Variants in SP100 observed in about 807,000 individuals in gnomAD.
SP100 encodes the protein nuclear autoantigen Sp-100.
SP100 carries 84 observed loss-of-function variants against 130.0 expected under a neutral mutation model. That is an observed-to-expected ratio of 0.65 (90% CI 0.54 to 0.77). The LOEUF is 0.77. Ranked by LOEUF, SP100 falls within the 30% of genes least tolerant of loss-of-function variation. The probability of loss-of-function intolerance (pLI) is 0.00; values close to 1 mark genes in which losing one functional copy is unlikely to be tolerated. For missense variants in SP100, 978 were observed against 1,052.2 expected, an observed-to-expected ratio of 0.93 and a Z score of 0.97; for synonymous variants, 331 against 351.7, an observed-to-expected ratio of 0.94 and a Z score of 0.66.
chr2:230,485,117 T>A (rs1196045640), intron 17 of SP100, among the ~76,000 whole-genome samples: 1 of 150,566 alleles, frequency 6.6e-6, no homozygotes, highest in Non-Finnish European at 1.5e-5. Context: ...TTATTTTATT[T>A]TATTATTTAT....
chr2:230,539,717 C>T (rs886105033), intron 25 of SP100, among the ~76,000 whole-genome samples: 11 of 152,172 alleles, frequency 7.2e-5, no homozygotes, highest in African/African-American at 1.9e-4. Flanking sequence ...GAGTACACCA[C>T]CTGCTGTGGG....
rs947328476 is a variant in SP100 at position 230,506,159 on chromosome 2, A to G, written c.1871-144A>G. 9.5e-6 allele frequency: 7 copies of G among 736,088 alleles called. 1 individual carries two copies. Among genetic ancestry groups the G allele is most frequent in the Non-Finnish European group, 1.6e-5 (7 of 440,078 alleles). The allele number at this position is 736,088 out of a possible 1,614,324, so 45.6% of individuals were successfully genotyped here. The stretch of plus-strand genomic sequence containing the variant: ...TCTCTGTTCCTTCAGGCTGGGTATG[A>G]AGCCCCTGATATCTGACAGGAAAAT... On this transcript the variant is annotated intron_variant, in intron 21 of 28. Transcript: ENST00000340126.
At chr2:230,532,463 A>C (rs1441553178) in intron 24 of SP100, among the ~76,000 whole-genome samples, 1 of 151,804 alleles carries the variant, frequency 6.6e-6, no homozygotes, top group Non-Finnish European at 1.5e-5. Context: ...ACTAATTGGG[A>C]TTTCTCTCAA....
In SP100 at chr2:230,498,537, T is replaced by A. The variant is rs2066824231; in HGVS notation, c.1720+2T>A. Reference sequence around the variant, plus strand: ...AAAAGAAAAGATGGCAACAAAGAGGTAAAAAAAAAAAAATACATTTTAAAT... The same window carrying A: ...AAAAGAAAAGATGGCAACAAAGAGGAAAAAAAAAAAAAATACATTTTAAAT... On this transcript the variant is annotated splice_donor_variant, in intron 19 of 28. Coordinates refer to ENST00000340126, the MANE Select transcript of SP100 (RefSeq NM_001080391.2). LOFTEE classifies it high-confidence loss of function. 3.6e-6 allele frequency: 4 copies of A among 1,112,752 alleles called. No homozygotes were observed. The highest frequency in any genetic ancestry group is 1.2e-6 in the Non-Finnish European group (1 of 816,696). 68.9% of individuals were successfully genotyped at this position (1,112,752 alleles called of 1,614,324 possible). A position where few individuals can be genotyped will look rare whatever the true frequency, so the allele number is the denominator to read the frequency against.
chr2:230,440,539 T>C, intron 2 of SP100: 1 of 1,377,100 alleles, frequency 7.3e-7, no homozygotes, highest in Non-Finnish European at 9.5e-7. Context: ...TAAGCAGTGC[T>C]GGGTAAAATT....
At chr2:230,504,968 G>T (rs10209589) in intron 21 of SP100, among the ~76,000 whole-genome samples, 4,861 of 152,158 alleles carry the variant, frequency 0.032, 111 homozygotes, top group Non-Finnish European at 0.05. Context: ...AAATAAGAGG[G>T]ATTTATCTCT....
chr2:230,535,848 AG>A (rs1429083740), intron 24 of SP100, among the ~76,000 whole-genome samples: 1 of 130,092 alleles, frequency 7.7e-6, no homozygotes, highest in Non-Finnish European at 1.6e-5. Context: ...TGGAGGCTGC[AG>A]GGAGCCAAGA....
chr2:230,424,386 G>A (rs1174302092), intron 2 of SP100, among the ~76,000 whole-genome samples: 3 of 152,176 alleles, frequency 2.0e-5, no homozygotes, highest in African/African-American at 4.8e-5. Flanking sequence ...GGAGAGATTG[G>A]CTGGGTGCGG....
intron 21 of SP100, among the ~76,000 whole-genome samples, chr2:230,505,411 A>G (rs1393392864): frequency 2.0e-5 from 3 of 152,200 alleles, no homozygotes; most frequent in Non-Finnish European, 4.4e-5. Context: ...CTAAATGGTA[A>G]GATCACAGGG....
chr2:230,457,349 G>A (rs969198455), intron 8 of SP100, among the ~76,000 whole-genome samples: 3 of 152,232 alleles, frequency 2.0e-5, no homozygotes, highest in Non-Finnish European at 4.4e-5. Context: ...ACTCGGTCTG[G>A]TCTGGATCAT....
chr2:230,452,816 CA>C (rs933291597), intron 8 of SP100, among the ~76,000 whole-genome samples: 2 of 133,064 alleles, frequency 1.5e-5, no homozygotes, highest in African/African-American at 5.5e-5. Flanking sequence ...TTAGTTCTAG[CA>C]GTTTTTTTTT....
At chr2:230,463,996 G>T in intron 10 of SP100, 71 bp from the exon 11 acceptor site, 1 of 1,026,998 alleles carries the variant, frequency 9.7e-7, no homozygotes, top group South Asian at 1.3e-5. Context: ...TTTCTTATTA[G>T]GGAATTTCCT....
rs183074726 is a variant in SP100 at position 230,532,458 on chromosome 2, T to G, written c.2095-6809T>G. ...CCTATCCTTAAGGAAATTATACTAA[T>G]TGGGATTTCTCTCAAATTACTTTAG... On this transcript the variant is annotated intron_variant, in intron 24 of 28. Coordinates refer to ENST00000340126, the MANE Select transcript of SP100 (RefSeq NM_001080391.2). 9.6e-4 allele frequency among the ~76,000 whole-genome samples: 146 copies of G among 152,268 alleles called. 1 individual carries two copies. The highest frequency in any genetic ancestry group is 1.8e-3 in the Admixed American group (28 of 15,294).
intron 8 of SP100, among the ~76,000 whole-genome samples, chr2:230,454,167 CATTT>C (rs1385837003): frequency 2.0e-5 from 3 of 151,920 alleles, no homozygotes; most frequent in South Asian, 4.2e-4. Flanking sequence ...TGATTTTATT[CATTT>C]GAGTGTTTTC....
intron 17 of SP100, among the ~76,000 whole-genome samples, chr2:230,492,094 C>T (rs931041002): frequency 6.6e-6 from 1 of 152,116 alleles, no homozygotes; most frequent in African/African-American, 2.4e-5. Context: ...TTTATAAAAT[C>T]AGCCTGTGTG....
intron 17 of SP100, among the ~76,000 whole-genome samples, chr2:230,477,994 G>T (rs1314544630): frequency 6.7e-6 from 1 of 149,266 alleles, no homozygotes; most frequent in African/African-American, 2.5e-5. Flanking sequence ...GAAGAACAGA[G>T]ACTTTTACTC....
chr2:230,535,867 A>G (rs1649892), intron 24 of SP100, among the ~76,000 whole-genome samples: 1 of 122,350 alleles, frequency 8.2e-6, no homozygotes, highest in Non-Finnish European at 1.6e-5. Flanking sequence ...AGATCATGCC[A>G]CTCCACTCCA....
intron 24 of SP100, among the ~76,000 whole-genome samples, chr2:230,524,373 A>G (rs1382185421): frequency 6.8e-6 from 1 of 146,714 alleles, no homozygotes. Flanking sequence ...AAAAAAAAAG[A>G]AAAAGAAAAG....
chr2:230,449,840 G>A, intron 7 of SP100, 130 bp downstream of exon 7: 1 of 956,414 alleles, frequency 1.0e-6, no homozygotes, highest in South Asian at 1.6e-5. Flanking sequence ...TAGACACAGA[G>A]GGGGCCTGTT....
Sources: gnomAD v4.1 joint callset for allele counts (sites outside exome capture counted in the v4.1 genomes callset) on GRCh38, gnomAD v4.1.1 for gene constraint, MANE v1.5 for transcripts, NCBI Gene and HGNC (gene_info 2026-07-23, HGNC 2026-07-21) for gene names.